MMP16: variants seen among roughly 807,000 people sequenced by gnomAD.
The protein encoded by MMP16 is matrix metallopeptidase 16, also known as matrix metalloproteinase-16.
MMP16 carries 12 observed loss-of-function variants against 67.8 expected under a neutral mutation model. The ratio of observed to expected loss-of-function variants is 0.18; its 90% CI spans 0.11 to 0.29. The LOEUF is 0.29. Among genes scored for constraint, MMP16 ranks in the 10% least tolerant of loss-of-function variants. MMP16 has a pLI of 1.00. For missense variants in MMP16, 475 were observed against 765.7 expected, an observed-to-expected ratio of 0.62 and a Z score of 4.48; for synonymous variants, 249 against 255.9, an observed-to-expected ratio of 0.97 and a Z score of 0.26.
At chr8:88,210,031 C>T (rs935354727) in intron 1 of MMP16, among the ~76,000 whole-genome samples, 28 of 152,112 alleles carry the variant, frequency 1.8e-4, no homozygotes, top group Non-Finnish European at 3.5e-4. Context: ...CTCTTTCCAG[C>T]AGTGAGTATA....
Position 88,327,066 on chromosome 8 carries a change from C to T in MMP16, c.132+9G>A, listed in dbSNP as rs2130241220. The stretch of plus-strand genomic sequence containing the variant: ...AGCGGGGGGAGGAAGAAAGCCCTCG[C>T]ACTCTTACCTCCACATTGAAATACT... On this transcript the variant is annotated intron_variant, in intron 1 of 9. Coordinates refer to ENST00000286614, the MANE Select transcript of MMP16 (RefSeq NM_005941.5). The T allele has an allele frequency of 6.2e-7, 1 of 1,613,724 alleles. No individual in the cohort carries two copies. The highest frequency in any genetic ancestry group is 8.5e-7 in the Non-Finnish European group (1 of 1,179,770).
chr8:88,276,517 G>A (rs540494601), intron 1 of MMP16, among the ~76,000 whole-genome samples: 50 of 152,176 alleles, frequency 3.3e-4, no homozygotes, highest in South Asian at 6.2e-4. Flanking sequence ...AAATTCCAGA[G>A]AAGAACTACC....
Position 88,167,785 on chromosome 8 carries a change from G to C in MMP16, c.593C>G (p.Pro198Arg), listed in dbSNP as rs1340855815. 1 of 1,613,944 alleles carries C rather than the reference G, an allele frequency of 6.2e-7. No homozygotes were observed. ...FASGFHGDSS[P>R]FDGEGGFLAH... is the part of the protein sequence containing the mutation. ...CAAAAATCCTCCCTCTCCATCAAAGGGAGAGCTGTCCCCATGGAAACCAGA... is the reference window on the plus strand; with the variant it reads ...CAAAAATCCTCCCTCTCCATCAAAGCGAGAGCTGTCCCCATGGAAACCAGA... Residue 198 changes from proline (P) to arginine (R), a missense_variant, in exon 4 of 10, where the codon CCC becomes CGC. By Grantham distance (103) the Pro-to-Arg change is moderately radical (BLOSUM62 -2). Transcript: ENST00000286614.
chr8:88,247,266 T>C (rs536012087), intron 1 of MMP16, among the ~76,000 whole-genome samples: 7 of 152,290 alleles, frequency 4.6e-5, no homozygotes, highest in African/African-American at 1.7e-4. Context: ...CAAAAGTCTA[T>C]TGTGATAACT....
intron 9 of MMP16, among the ~76,000 whole-genome samples, chr8:88,044,809 A>G (rs1808178084): frequency 6.6e-6 from 1 of 152,226 alleles, no homozygotes; most frequent in African/African-American, 2.4e-5. Context: ...TTTATTAGTA[A>G]GAAGTTGCTA....
chr8:88,220,868 T>C (rs1483236878), intron 1 of MMP16, among the ~76,000 whole-genome samples: 1 of 152,052 alleles, frequency 6.6e-6, no homozygotes, highest in Non-Finnish European at 1.5e-5. Context: ...CTTAGAAGAT[T>C]GAGTATATGT....
Position 88,276,011 on chromosome 8 carries a change from T to C in MMP16, c.132+51064A>G, listed in dbSNP as rs369947139. On this transcript the variant is annotated intron_variant, in intron 1 of 9. Transcript: ENST00000286614. ...CAAAGATATTCCTGTCTTCTAGTTGTAACATTAAAATCCTATTTTTGAAAT... is the reference window on the plus strand; with the variant it reads ...CAAAGATATTCCTGTCTTCTAGTTGCAACATTAAAATCCTATTTTTGAAAT... Among the ~76,000 whole-genome samples the C allele has an allele frequency of 1.2e-4, 19 of 152,190 alleles. 2 individuals are homozygous for C. Among genetic ancestry groups the C allele is most frequent in the African/African-American group, 4.6e-4 (19 of 41,580 alleles).
intron 6 of MMP16, among the ~76,000 whole-genome samples, chr8:88,106,912 T>C (rs1809251985): frequency 6.6e-6 from 1 of 151,236 alleles, no homozygotes; most frequent in Non-Finnish European, 1.5e-5. Context: ...TTAAATGTTA[T>C]TAAATCTATC....
chr8:88,294,709 T>C (rs982394957), intron 1 of MMP16, among the ~76,000 whole-genome samples: 4 of 152,170 alleles, frequency 2.6e-5, no homozygotes, highest in Admixed American at 6.5e-5. Context: ...AATTGATTTA[T>C]TTATTTTTAG....
intron 1 of MMP16, among the ~76,000 whole-genome samples, chr8:88,325,867 A>G (rs1008468399): frequency 6.6e-6 from 1 of 152,168 alleles, no homozygotes; most frequent in African/African-American, 2.4e-5. Context: ...TCCTAAGAAC[A>G]GTTTCTATAA....
chr8:88,189,108 T>C (rs1437676085), intron 2 of MMP16, among the ~76,000 whole-genome samples: 1 of 152,222 alleles, frequency 6.6e-6, no homozygotes, highest in Admixed American at 6.5e-5. Context: ...CATCCTGATT[T>C]ATTCATCATA....
At chr8:88,061,093 A>G (rs1056056749) in intron 7 of MMP16, among the ~76,000 whole-genome samples, 3 of 151,402 alleles carry the variant, frequency 2.0e-5, no homozygotes, top group Admixed American at 1.3e-4. Flanking sequence ...AAAAATGCAA[A>G]CTTACCCCGA....
In MMP16 at chr8:88,323,728, T is replaced by A. The variant is rs1586020521; in HGVS notation, c.132+3347A>T. Among the ~76,000 whole-genome samples, 4 of 152,082 alleles carry A rather than the reference T, an allele frequency of 2.6e-5. No individual in the cohort carries two copies. The East Asian group carries it at 5.8e-4, about 22-fold the overall frequency. On this transcript the variant is annotated intron_variant, in intron 1 of 9. Transcript: ENST00000286614. ...TTCAGAGTTGACGATATGAGAGGTA[T>A]TACTATCATGAACTATGTTCTGTCT...
At chr8:88,248,076 TC>T (rs1810148452) in intron 1 of MMP16, among the ~76,000 whole-genome samples, 1 of 151,890 alleles carries the variant, frequency 6.6e-6, no homozygotes, top group Non-Finnish European at 1.5e-5. Context: ...TACATACACC[TC>T]CCCAAAACTG....
rs138201352 is a variant in MMP16, at chr8:88,086,795, C to T, written c.1084-12052G>A. On this transcript the variant is annotated intron_variant, in intron 6 of 9. Transcript: ENST00000286614. ...CTTCAATCTCTTTCTATCAAAGCAT[C>T]ATGTTATATTTTCTTCACAATATCC... 9.1e-4 allele frequency among the ~76,000 whole-genome samples: 139 copies of T among 151,986 alleles called. 2 individuals are homozygous for T. Among genetic ancestry groups the T allele is most frequent in the Middle Eastern group, 3.4e-3 (1 of 294 alleles).
intron 1 of MMP16, among the ~76,000 whole-genome samples, chr8:88,262,301 A>T (rs1436786748): frequency 6.6e-6 from 1 of 152,240 alleles, no homozygotes; most frequent in African/African-American, 2.4e-5. Flanking sequence ...AATTTTTTAA[A>T]TATTTCCTTT....
intron 1 of MMP16, among the ~76,000 whole-genome samples, chr8:88,258,137 C>T (rs1032342538): frequency 6.6e-6 from 1 of 151,906 alleles, no homozygotes; most frequent in Non-Finnish European, 1.5e-5. Context: ...GCTCTGCCTC[C>T]CGGGTTCACG....
chr8:88,317,683 T>G (rs1811394927), intron 1 of MMP16, among the ~76,000 whole-genome samples: 2 of 152,212 alleles, frequency 1.3e-5, no homozygotes, highest in African/African-American at 4.8e-5. Context: ...AGCTAGATTT[T>G]TACCTTTGTT....
intron 4 of MMP16, among the ~76,000 whole-genome samples, chr8:88,133,513 T>A (rs1808068392): frequency 6.6e-6 from 1 of 151,880 alleles, no homozygotes; most frequent in Admixed American, 6.6e-5. Context: ...TTTGTTTATA[T>A]CTGAAGAATA....
Sources: allele counts gnomAD v4.1 joint callset (sites outside exome capture counted in the v4.1 genomes callset), GRCh38; gene constraint gnomAD v4.1.1; transcripts MANE v1.5; gene names NCBI Gene and HGNC (gene_info 2026-07-23, HGNC 2026-07-21).